Variants in ABCD3 observed in about 807,000 individuals in gnomAD.
The protein encoded by ABCD3 is ATP binding cassette subfamily D member 3.
A neutral mutation model predicts 105.5 loss-of-function variants in ABCD3; 41 were observed. The ratio of observed to expected loss-of-function variants is 0.39; its 90% CI spans 0.30 to 0.50. ABCD3 has a LOEUF of 0.50. ABCD3 is among the 20% of genes least tolerant of loss of function. The pLI is 0.84. For synonymous variants in ABCD3, 258 were observed against 269.0 expected, an observed-to-expected ratio of 0.96 and a Z score of 0.40; for missense variants, 622 against 806.3, an observed-to-expected ratio of 0.77 and a Z score of 2.77.
At chr1:94,420,230 A>G (rs1659207261) in intron 1 of ABCD3, among the ~76,000 whole-genome samples, 1 of 152,212 alleles carries the variant, frequency 6.6e-6, no homozygotes, top group African/African-American at 2.4e-5. Flanking sequence ...GAAACAGAAC[A>G]TTATCAGCAC....
chr1:94,405,349 C>T, the ABCD3 span, among the ~76,000 whole-genome samples: 22 of 146,616 alleles, frequency 1.5e-4, no homozygotes, highest in Admixed American at 7.6e-4. Flanking sequence ...TCACTCTTGT[C>T]GCCAAGGCTG....
the ABCD3 span, among the ~76,000 whole-genome samples, chr1:94,401,850 A>G: frequency 6.6e-6 from 1 of 152,206 alleles, no homozygotes; most frequent in Admixed American, 6.5e-5. Flanking sequence ...ACAGGTCTTA[A>G]GTATTCAGTT....
chr1:94,492,874 C>T (rs549083836), intron 16 of ABCD3, among the ~76,000 whole-genome samples: 1 of 152,234 alleles, frequency 6.6e-6, no homozygotes, highest in South Asian at 2.1e-4. Context: ...CTTGATGTTA[C>T]CACACTAAAG....
intron 1 of ABCD3, among the ~76,000 whole-genome samples, chr1:94,453,377 G>T (rs1570763798): frequency 6.8e-6 from 1 of 147,706 alleles, no homozygotes; most frequent in Non-Finnish European, 1.5e-5. Flanking sequence ...GGAGTGCAGT[G>T]GCGCGATCTC....
At chr1:94,417,960 T>C (rs1048865892), upstream of ABCD3, among the ~76,000 whole-genome samples, 1 of 152,218 alleles carries the variant, frequency 6.6e-6, no homozygotes, top group African/African-American at 2.4e-5. Context: ...TGTGCTGTGT[T>C]TTCCCTACAC....
chr1:94,453,284 T>G (rs1216196521), intron 1 of ABCD3, among the ~76,000 whole-genome samples: 1 of 152,090 alleles, frequency 6.6e-6, no homozygotes, highest in East Asian at 1.9e-4. Context: ...TTCAGTCTGT[T>G]TTTTCTTCTC....
At chr1:94,511,435 C>T (rs1325104081) in intron 21 of ABCD3, among the ~76,000 whole-genome samples, 8 of 152,110 alleles carry the variant, frequency 5.3e-5, no homozygotes, top group Non-Finnish European at 1.5e-5. Context: ...TTTTTTCCTT[C>T]ATTTCAACTT....
chr1:94,398,578 C>T, the ABCD3 span, among the ~76,000 whole-genome samples: 472 of 152,314 alleles, frequency 3.1e-3, 1 homozygote, highest in Admixed American at 5.4e-3. Flanking sequence ...TCATAGTCTG[C>T]ATTCCATCTT....
At chr1:94,452,114 AT>A (rs1268546926) in intron 1 of ABCD3, among the ~76,000 whole-genome samples, 3 of 152,286 alleles carry the variant, frequency 2.0e-5, no homozygotes, top group African/African-American at 7.2e-5. Context: ...CATGTAATTT[AT>A]TATCCTAACT....
At chr1:94,450,452 TGG>T (rs1660536134) in intron 1 of ABCD3, among the ~76,000 whole-genome samples, 1 of 152,238 alleles carries the variant, frequency 6.6e-6, no homozygotes, top group Non-Finnish European at 1.5e-5. Flanking sequence ...AAGGAACACC[TGG>T]CCCACCCAGG....
At chr1:94,450,014 A>T (rs1660515090) in intron 1 of ABCD3, among the ~76,000 whole-genome samples, 1 of 152,238 alleles carries the variant, frequency 6.6e-6, no homozygotes. Context: ...TTGTCTTTGG[A>T]TACTGCAAAA....
intron 20 of ABCD3, among the ~76,000 whole-genome samples, chr1:94,501,139 C>T (rs1412631817): frequency 2.0e-5 from 3 of 151,594 alleles, no homozygotes; most frequent in Non-Finnish European, 2.9e-5. Flanking sequence ...AATTCAAAGG[C>T]GTGCCCAGAG....
intron 1 of ABCD3, among the ~76,000 whole-genome samples, chr1:94,450,942 C>T (rs559134148): frequency 1.2e-4 from 18 of 152,314 alleles, no homozygotes; most frequent in African/African-American, 4.3e-4. Context: ...CTTTAGAATA[C>T]TACCTTCATT....
At chr1:94,417,308 T>C (rs536173303), upstream of ABCD3, among the ~76,000 whole-genome samples, 132 of 152,344 alleles carry the variant, frequency 8.7e-4, no homozygotes, top group African/African-American at 3.1e-3. Context: ...CTCATTTATA[T>C]TGAGAAAACA....
chr1:94,434,925 T>C (rs1659842201), intron 1 of ABCD3, among the ~76,000 whole-genome samples: 1 of 152,132 alleles, frequency 6.6e-6, no homozygotes, highest in Non-Finnish European at 1.5e-5. Context: ...TTCCTATAAT[T>C]TCATCACCCA....
At chr1:94,477,227 C>CAAAAAAAAAAA (rs561060182) in intron 7 of ABCD3, among the ~76,000 whole-genome samples, 9 of 44,296 alleles carry the variant, frequency 2.0e-4, no homozygotes, top group African/African-American at 3.5e-4. Flanking sequence ...ACTTATAAGG[C>CAAAAAAAAAAA]AAAAAAAAAA....
intron 1 of ABCD3, among the ~76,000 whole-genome samples, chr1:94,447,267 T>C (rs1346093021): frequency 1.3e-5 from 2 of 152,186 alleles, no homozygotes; most frequent in African/African-American, 4.8e-5. Flanking sequence ...CACCAGTTTT[T>C]GTAATTAAGA....
At chr1:94,460,836 T>C (rs1647833973) in intron 2 of ABCD3, among the ~76,000 whole-genome samples, 1 of 152,274 alleles carries the variant, frequency 6.6e-6, no homozygotes, top group Admixed American at 6.5e-5. Context: ...CTGGCATATC[T>C]CCAGCTCCGT....
At chr1:94,467,146 G>A (rs1298103929) in intron 3 of ABCD3, among the ~76,000 whole-genome samples, 2 of 152,050 alleles carry the variant, frequency 1.3e-5, no homozygotes, top group African/African-American at 2.4e-5. Context: ...AGAAGCTTGC[G>A]AGAATTTTAT....
Sources: gnomAD v4.1 joint callset for allele counts (sites outside exome capture counted in the v4.1 genomes callset) on GRCh38, gnomAD v4.1.1 for gene constraint, MANE v1.5 for transcripts, NCBI Gene and HGNC (gene_info 2026-07-23, HGNC 2026-07-21) for gene names.